Variants in WDR70 observed in about 807,000 individuals in gnomAD.
WDR70 encodes WD repeat-containing protein 70.
WDR70 carries 53 observed loss-of-function variants against 88.6 expected under a neutral mutation model. The ratio of observed to expected loss-of-function variants is 0.60; its 90% CI spans 0.48 to 0.75. The LOEUF (loss-of-function observed/expected upper bound fraction) is 0.75, where lower values mean the gene tolerates loss of function less well. Among genes scored for constraint, WDR70 ranks in the 30% least tolerant of loss-of-function variants. The probability of loss-of-function intolerance (pLI) is 0.00; values close to 1 mark genes in which losing one functional copy is unlikely to be tolerated. For synonymous variants in WDR70, 280 were observed against 270.0 expected (o/e 1.04, Z -0.36); for missense variants, 610 against 823.2 (o/e 0.74, Z 3.17).
At chr5:37,737,640 A>G (rs1748339445) in intron 17 of WDR70, among the ~76,000 whole-genome samples, 1 of 152,190 alleles carries the variant, frequency 6.6e-6, no homozygotes, top group African/African-American at 2.4e-5. Flanking sequence ...TGTGGCACAC[A>G]GTTATATATC....
At chr5:37,576,042 CCTTCCTTCCTTCCAA>C (rs1345793411) in intron 9 of WDR70, among the ~76,000 whole-genome samples, 2 of 151,406 alleles carry the variant, frequency 1.3e-5, no homozygotes, top group African/African-American at 4.9e-5. Context: ...TTCCTTCCTT[CCTTCCTTCCTTCCAA>C]CTTCCTTCCT....
intron 9 of WDR70, among the ~76,000 whole-genome samples, chr5:37,594,416 CTTGTTT>C (rs985875401): frequency 8.5e-5 from 13 of 152,146 alleles, no homozygotes; most frequent in Admixed American, 6.5e-4. Context: ...TTCCCCATTT[CTTGTTT>C]TTGTCAGGTT....
At chr5:37,645,070 G>A (rs887625774) in intron 10 of WDR70, among the ~76,000 whole-genome samples, 1 of 151,588 alleles carries the variant, frequency 6.6e-6, no homozygotes, top group Admixed American at 6.6e-5. Flanking sequence ...GTACCATTAG[G>A]TCATTTATTT....
chr5:37,571,011 A>T (rs962754214), intron 9 of WDR70, among the ~76,000 whole-genome samples: 1 of 151,228 alleles, frequency 6.6e-6, no homozygotes, highest in Admixed American at 6.6e-5. Context: ...CCAAGTTTGT[A>T]TGATTTTTTT....
chr5:37,474,777 G>A (rs1412414188), intron 7 of WDR70, among the ~76,000 whole-genome samples: 1 of 152,136 alleles, frequency 6.6e-6, no homozygotes, highest in Non-Finnish European at 1.5e-5. Context: ...TCCCCCACAT[G>A]TGTCCATGTG....
At chr5:37,687,885 C>A (rs763959097) in intron 10 of WDR70, 30 of 654,054 alleles carry the variant, frequency 4.6e-5, no homozygotes, top group Non-Finnish European at 8.2e-5. Flanking sequence ...ATCAGATTCA[C>A]AATACCATCT....
intron 9 of WDR70, among the ~76,000 whole-genome samples, chr5:37,570,971 C>T (rs752118111): frequency 1.3e-5 from 2 of 151,998 alleles, no homozygotes; most frequent in Non-Finnish European, 2.9e-5. Flanking sequence ...CATCTCTGTG[C>T]TCTGACAAGA....
At chr5:37,497,409 C>A (rs1387326409) in intron 8 of WDR70, among the ~76,000 whole-genome samples, 1 of 118,610 alleles carries the variant, frequency 8.4e-6, no homozygotes. Context: ...TCCTTCCCCT[C>A]CCCTCCCCTT....
intron 7 of WDR70, among the ~76,000 whole-genome samples, chr5:37,477,504 C>A (rs887257170): frequency 2.6e-5 from 4 of 152,158 alleles, no homozygotes; most frequent in African/African-American, 7.2e-5. Flanking sequence ...GTTGGATCTT[C>A]AGCAGCAACA....
Position 37,558,637 on chromosome 5 carries a change from T to C in WDR70, c.917+42047T>C, listed in dbSNP as rs1450581707. On this transcript the variant is annotated intron_variant, in intron 9 of 17. Transcript: ENST00000265107. ...CACTGCACCCAGCCCACGTTGATTC[T>C]TTAAAACAATTTTTTTTCTTTGATT... 2.0e-5 allele frequency among the ~76,000 whole-genome samples: 3 copies of C among 152,300 alleles called. No individual in the cohort carries two copies. In the East Asian group the frequency reaches 5.8e-4, roughly 29 times the overall value.
At chr5:37,571,481 G>A (rs1742903677) in intron 9 of WDR70, among the ~76,000 whole-genome samples, 2 of 152,098 alleles carry the variant, frequency 1.3e-5, no homozygotes, top group African/African-American at 4.8e-5. Context: ...AACTTCTGGA[G>A]GATTATTTTA....
intron 9 of WDR70, among the ~76,000 whole-genome samples, chr5:37,522,326 C>T (rs1741119923): frequency 6.6e-6 from 1 of 151,988 alleles, no homozygotes. Flanking sequence ...AAAAAATTAG[C>T]TGGGCATGGT....
chr5:37,726,048 T>C (rs184369658), intron 16 of WDR70, among the ~76,000 whole-genome samples: 37 of 152,282 alleles, frequency 2.4e-4, no homozygotes, highest in African/African-American at 7.2e-4. Context: ...ATTTTTGTAC[T>C]TAACCCATTC....
chr5:37,540,512 G>A (rs1561894229), intron 9 of WDR70, among the ~76,000 whole-genome samples: 1 of 152,288 alleles, frequency 6.6e-6, no homozygotes, highest in Non-Finnish European at 1.5e-5. Flanking sequence ...CTCCTGAGTA[G>A]CTGGGATTAC....
At chr5:37,409,959 C>T (rs1749471617) in intron 5 of WDR70, among the ~76,000 whole-genome samples, 1 of 152,000 alleles carries the variant, frequency 6.6e-6, no homozygotes, top group Non-Finnish European at 1.5e-5. Flanking sequence ...TCACAATAGG[C>T]AAATATATAG....
At chr5:37,548,642 C>G (rs988863866) in intron 9 of WDR70, among the ~76,000 whole-genome samples, 2 of 152,042 alleles carry the variant, frequency 1.3e-5, no homozygotes, top group African/African-American at 4.8e-5. Context: ...AACTTTTTAA[C>G]TTGATATGAT....
intron 7 of WDR70, among the ~76,000 whole-genome samples, chr5:37,463,844 T>C (rs544063021): frequency 6.6e-6 from 1 of 152,236 alleles, no homozygotes; most frequent in South Asian, 2.1e-4. Context: ...GACTTAAGAG[T>C]GAAGTGAGAC....
intron 13 of WDR70, among the ~76,000 whole-genome samples, chr5:37,708,427 A>G (rs1049878614): frequency 6.6e-6 from 1 of 152,012 alleles, no homozygotes; most frequent in Admixed American, 6.6e-5. Flanking sequence ...AAAATTATAC[A>G]TAACATTGTA....
At chr5:37,461,119 A>AAAAAT (rs1561860878) in intron 7 of WDR70, among the ~76,000 whole-genome samples, 1 of 146,362 alleles carries the variant, frequency 6.8e-6, no homozygotes, top group Non-Finnish European at 1.5e-5. Flanking sequence ...AAAAAAAAAA[A>AAAAAT]AAAAAATAAA....
Sources: gnomAD v4.1 joint callset for allele counts (sites outside exome capture counted in the v4.1 genomes callset) on GRCh38, gnomAD v4.1.1 for gene constraint, MANE v1.5 for transcripts, NCBI Gene and HGNC (gene_info 2026-07-23, HGNC 2026-07-21) for gene names.